Variants in MEI4 observed in about 807,000 individuals in gnomAD.
The protein encoded by MEI4 is meiotic double-stranded break formation protein 4.
Under a neutral mutation model 31.4 loss-of-function variants are expected in MEI4, and 27 were observed. The ratio of observed to expected loss-of-function variants is 0.86; its 90% confidence interval spans 0.63 to 1.19. The LOEUF is 1.19. Among genes scored for constraint, MEI4 ranks in the 50% most tolerant of loss-of-function variants. The pLI is 0.00. For synonymous variants in MEI4, 122 were observed against 145.4 expected, an observed-to-expected ratio of 0.84 and a Z score of 1.16; for missense variants, 329 against 398.9, an observed-to-expected ratio of 0.82 and a Z score of 1.49.
chr6:77,750,385 G>A (rs1425636254), intron 2 of MEI4, among the ~76,000 whole-genome samples: 4 of 152,136 alleles, frequency 2.6e-5, no homozygotes, highest in Admixed American at 6.6e-5. Context: ...CATCCCACAT[G>A]CAAAGACACA....
At chr6:77,915,123 C>T (rs1286200215) in intron 4 of MEI4, among the ~76,000 whole-genome samples, 5 of 151,802 alleles carry the variant, frequency 3.3e-5, no homozygotes, top group African/African-American at 4.8e-5. Context: ...GTTTGTGTGT[C>T]TTTCCTTCCT....
At chr6:77,728,953 G>A (rs1257633507) in intron 2 of MEI4, among the ~76,000 whole-genome samples, 1 of 152,196 alleles carries the variant, frequency 6.6e-6, no homozygotes, top group African/African-American at 2.4e-5. Flanking sequence ...GTAGAACTGT[G>A]CCCATAAGGG....
rs1188271115 is a variant in MEI4 at position 77,925,454 on chromosome 6, A to G, written c.*2108A>G. 2 of 151,204 alleles carry G rather than the reference A, an allele frequency of 1.3e-5. No individual in the cohort carries two copies. Among genetic ancestry groups the G allele is most frequent in the Admixed American group, 6.6e-5 (1 of 15,102 alleles). 9.4% of individuals were successfully genotyped at this position (151,204 alleles called of 1,614,324 possible). ...TAAGGTCCAAATCTACTGGTCAAAAAGAAGATAAAATGATAAAATGAGACA... is the reference window on the plus strand; with the variant it reads ...TAAGGTCCAAATCTACTGGTCAAAAGGAAGATAAAATGATAAAATGAGACA... On this transcript the variant is annotated 3_prime_UTR_variant, in exon 5 of 5. Coordinates refer to ENST00000684080, the MANE Select transcript of MEI4 (RefSeq NM_001322247.2).
chr6:77,746,234 T>A (rs533154825), intron 2 of MEI4, among the ~76,000 whole-genome samples: 2 of 152,060 alleles, frequency 1.3e-5, no homozygotes, highest in Non-Finnish European at 2.9e-5. Flanking sequence ...GCAAGACTAA[T>A]AAAGAAGAAA....
chr6:77,802,152 T>C (rs1769282333), intron 3 of MEI4, among the ~76,000 whole-genome samples: 1 of 152,210 alleles, frequency 6.6e-6, no homozygotes, highest in Non-Finnish European at 1.5e-5. Flanking sequence ...ATCTGGGTGC[T>C]CCTGTATTAG....
At chr6:77,793,992 A>T (rs1312127209) in intron 3 of MEI4, among the ~76,000 whole-genome samples, 1 of 152,134 alleles carries the variant, frequency 6.6e-6, no homozygotes, top group African/African-American at 2.4e-5. Flanking sequence ...AAAGACACAG[A>T]CTGGATGAAT....
At chr6:77,805,289 G>C (rs1053361513) in intron 3 of MEI4, among the ~76,000 whole-genome samples, 6 of 151,992 alleles carry the variant, frequency 3.9e-5, no homozygotes, top group African/African-American at 1.2e-4. Flanking sequence ...AGTATTCTGT[G>C]ACCTATCACC....
Position 77,778,411 on chromosome 6 carries a change from A to C in MEI4, c.768+16746A>C, listed in dbSNP as rs187495925. On this transcript the variant is annotated intron_variant, in intron 3 of 4. Coordinates refer to ENST00000684080, the MANE Select transcript of MEI4 (RefSeq NM_001322247.2). The stretch of plus-strand genomic sequence containing the variant: ...TGTCTGAACAACTTTAGTACAAGTA[A>C]AAATCCAGGCTAGGTGTGGTGGCTC... Among the ~76,000 whole-genome samples the C allele has an allele frequency of 4.5e-3, 684 of 152,186 alleles. 18 individuals carry two copies. Among genetic ancestry groups the C allele is most frequent in the Admixed American group, 0.042 (642 of 15,266 alleles).
At chr6:77,805,107 A>T (rs1252962539) in intron 3 of MEI4, among the ~76,000 whole-genome samples, 1 of 152,204 alleles carries the variant, frequency 6.6e-6, no homozygotes, top group Non-Finnish European at 1.5e-5. Context: ...ATTGGATGAT[A>T]AAGATTATTT....
intron 2 of MEI4, among the ~76,000 whole-genome samples, chr6:77,710,520 C>CAAAAAAAAAA (rs1198470708): frequency 1.7e-5 from 1 of 57,738 alleles, no homozygotes; most frequent in Non-Finnish European, 3.2e-5. Flanking sequence ...GACTCCATCT[C>CAAAAAAAAAA]AAAAAAAAAA....
intron 1 of MEI4, among the ~76,000 whole-genome samples, chr6:77,671,464 G>T (rs986069705): frequency 6.6e-6 from 1 of 152,064 alleles, no homozygotes; most frequent in Admixed American, 6.6e-5. Flanking sequence ...ACTCCCAAGC[G>T]TGAAATATGA....
chr6:77,861,878 C>T (rs1770874766), intron 4 of MEI4, among the ~76,000 whole-genome samples: 1 of 152,090 alleles, frequency 6.6e-6, no homozygotes, highest in Non-Finnish European at 1.5e-5. Context: ...TACTGGTAGA[C>T]ATAATATTTC....
rs141714103 is a variant in MEI4, at chr6:77,852,379, C to A, written c.900+23317C>A. ...ATCAGTGCAAATGTTGACACAGTGA[C>A]AGAGACATATAATGTATTAATATTA... is the stretch of plus-strand genomic sequence containing the variant. On this transcript the variant is annotated intron_variant, in intron 4 of 4. Transcript: ENST00000684080. Among the ~76,000 whole-genome samples the A allele has an allele frequency of 1.4e-3, 213 of 152,312 alleles. 1 individual carries two copies. Among genetic ancestry groups the A allele is most frequent in the African/African-American group, 4.5e-3 (187 of 41,572 alleles).
intron 4 of MEI4, among the ~76,000 whole-genome samples, chr6:77,893,853 A>G (rs1581958211): frequency 6.6e-6 from 1 of 152,286 alleles, no homozygotes; most frequent in South Asian, 2.1e-4. Flanking sequence ...TGGGAAAACT[A>G]TCTCATAGTT....
intron 1 of MEI4, among the ~76,000 whole-genome samples, chr6:77,653,625 T>G (rs1020768160): frequency 1.3e-5 from 2 of 152,168 alleles, no homozygotes; most frequent in African/African-American, 4.8e-5. Flanking sequence ...CTGTCAAAAT[T>G]TATCAGAGAA....
chr6:77,716,872 A>G (rs1378846884), intron 2 of MEI4: 3 of 983,918 alleles, frequency 3.0e-6, no homozygotes, highest in South Asian at 9.4e-5. Flanking sequence ...CAAGGTAGAA[A>G]ATGATGACTG....
intron 3 of MEI4, among the ~76,000 whole-genome samples, chr6:77,773,045 A>G (rs1002555209): frequency 6.6e-6 from 1 of 151,990 alleles, no homozygotes; most frequent in African/African-American, 2.4e-5. Flanking sequence ...AGGAGAGGAA[A>G]CACACAAAAA....
At chr6:77,816,042 C>A (rs1164510739) in intron 3 of MEI4, among the ~76,000 whole-genome samples, 1 of 151,958 alleles carries the variant, frequency 6.6e-6, no homozygotes, top group Non-Finnish European at 1.5e-5. Flanking sequence ...ACTCATGCAT[C>A]CATGAAAAGG....
At chr6:77,681,054 G>A (rs568526251) in intron 1 of MEI4, among the ~76,000 whole-genome samples, 2 of 151,688 alleles carry the variant, frequency 1.3e-5, no homozygotes, top group South Asian at 2.1e-4. Context: ...TTTTCCACAG[G>A]ACTCTGTACC....
Sources: allele counts gnomAD v4.1 joint callset (sites outside exome capture counted in the v4.1 genomes callset), GRCh38; gene constraint gnomAD v4.1.1; transcripts MANE v1.5; gene names NCBI Gene and HGNC (gene_info 2026-07-23, HGNC 2026-07-21).